Variants in KCTD1 observed in about 807,000 individuals in gnomAD.
KCTD1 encodes the protein potassium channel tetramerization domain containing 1.
Under a neutral mutation model 66.0 loss-of-function variants are expected in KCTD1, and 24 were observed. That is an observed-to-expected ratio of 0.36 (90% CI 0.26 to 0.51). KCTD1 has a LOEUF of 0.51. Among genes scored for constraint, KCTD1 ranks in the 20% least tolerant of loss-of-function variants. The probability of loss-of-function intolerance (pLI) is 0.95; values close to 1 mark genes in which losing one functional copy is unlikely to be tolerated. For synonymous variants in KCTD1, 511 were observed against 517.2 expected (o/e 0.99, Z 0.16); for missense variants, 943 against 1,205.2 (o/e 0.78, Z 3.22).
intron 1 of KCTD1, among the ~76,000 whole-genome samples, chr18:26,657,088 C>G (rs917256432): frequency 6.6e-6 from 1 of 151,494 alleles, no homozygotes; most frequent in African/African-American, 2.4e-5. Context: ...GCACCCGCTC[C>G]TCCTGCCCGC....
intron 3 of KCTD1, 26 bp from the exon 4 acceptor site, chr18:26,459,951 G>A: frequency 1.3e-6 from 2 of 1,510,642 alleles, no homozygotes; most frequent in South Asian, 1.3e-5. Flanking sequence ...GTATTTCACA[G>A]TGCAAACTGC....
intron 1 of KCTD1, among the ~76,000 whole-genome samples, chr18:26,569,803 A>G (rs909899380): frequency 6.6e-6 from 1 of 152,210 alleles, no homozygotes; most frequent in Non-Finnish European, 1.5e-5. Flanking sequence ...AGAAAGACAC[A>G]CAGCTTATAA....
chr18:26,521,220 T>C (rs1983894738), intron 1 of KCTD1, among the ~76,000 whole-genome samples: 1 of 152,182 alleles, frequency 6.6e-6, no homozygotes, highest in Non-Finnish European at 1.5e-5. Context: ...CTAATCACAA[T>C]AATGCCAGGT....
At chr18:26,634,506 G>C (rs1987682412) in intron 1 of KCTD1, among the ~76,000 whole-genome samples, 2 of 152,140 alleles carry the variant, frequency 1.3e-5, no homozygotes, top group Admixed American at 1.3e-4. Flanking sequence ...AGTTACACGG[G>C]GAGGGGAGGG....
At chr18:26,525,233 G>A (rs1443592979) in intron 1 of KCTD1, among the ~76,000 whole-genome samples, 1 of 152,192 alleles carries the variant, frequency 6.6e-6, no homozygotes, top group Non-Finnish European at 1.5e-5. Context: ...CTAAGAGGGT[G>A]CAGACACACT....
chr18:26,497,774 CAA>C (rs1400430234), intron 2 of KCTD1, among the ~76,000 whole-genome samples: 1 of 152,118 alleles, frequency 6.6e-6, no homozygotes, highest in Non-Finnish European at 1.5e-5. Flanking sequence ...AGGCTTGTTT[CAA>C]AGAGTCTTGA....
chr18:26,591,195 T>C (rs929438605), intron 1 of KCTD1, among the ~76,000 whole-genome samples: 2 of 152,100 alleles, frequency 1.3e-5, no homozygotes, highest in Non-Finnish European at 2.9e-5. Context: ...CAGCTAATTA[T>C]TATTATTTTT....
At chr18:26,578,053 CTTTCTT>C (rs1262187849) in intron 1 of KCTD1, among the ~76,000 whole-genome samples, 4 of 124,784 alleles carry the variant, frequency 3.2e-5, no homozygotes, top group African/African-American at 1.2e-4. Flanking sequence ...CTTTTCTTTT[CTTTCTT>C]TTTTTTTTTT....
At chr18:26,510,565 T>C (rs1388701337) in intron 1 of KCTD1, among the ~76,000 whole-genome samples, 3 of 151,988 alleles carry the variant, frequency 2.0e-5, no homozygotes, top group African/African-American at 7.3e-5. Flanking sequence ...TGCCTTTTTG[T>C]TTTTTTTCTT....
chr18:26,500,769 A>G (rs887023078), intron 2 of KCTD1, among the ~76,000 whole-genome samples: 1 of 152,328 alleles, frequency 6.6e-6, no homozygotes. Flanking sequence ...TGTTGGGGAG[A>G]AATCACCATC....
chr18:26,637,367 G>A (rs1203298758), intron 1 of KCTD1, among the ~76,000 whole-genome samples: 2 of 152,220 alleles, frequency 1.3e-5, no homozygotes, highest in Non-Finnish European at 2.9e-5. Flanking sequence ...TGTGAACAAC[G>A]AAGAATGTTC....
chr18:26,631,651 G>A (rs1021644684), upstream of KCTD1, among the ~76,000 whole-genome samples: 24 of 152,126 alleles, frequency 1.6e-4, no homozygotes, highest in African/African-American at 4.8e-4. Context: ...CAACATAGCA[G>A]CTATTCCTAA....
intron 1 of KCTD1, among the ~76,000 whole-genome samples, chr18:26,608,970 C>T (rs183512616): frequency 5.9e-4 from 90 of 152,246 alleles, no homozygotes; most frequent in African/African-American, 2.1e-3. Flanking sequence ...TCTGGTGGGG[C>T]TCAGTAAATT....
rs375865965 is a variant in KCTD1, at chr18:26,498,162, A to C, written c.1988+2910T>G. On this transcript the variant is annotated intron_variant, in intron 2 of 4. Transcript: ENST00000580059. ...TCAGAAATCAGACCTTTCCATAGCC[A>C]AAGAACTGTTCGCCATTTGCCAGCA... 5.9e-5 allele frequency among the ~76,000 whole-genome samples: 9 copies of C among 152,290 alleles called. No homozygotes were observed. In the South Asian group the frequency reaches 1.9e-3, roughly 32 times the overall value.
At chr18:26,558,008 T>TCCCC (rs1985748584) in intron 1 of KCTD1, among the ~76,000 whole-genome samples, 1 of 152,316 alleles carries the variant, frequency 6.6e-6, no homozygotes, top group South Asian at 2.1e-4. Flanking sequence ...CTGATATGAG[T>TCCCC]CCAGCTCTCT....
intron 1 of KCTD1, among the ~76,000 whole-genome samples, chr18:26,656,874 A>C (rs1988160245): frequency 8.2e-6 from 1 of 121,680 alleles, no homozygotes; most frequent in Non-Finnish European, 1.7e-5. Context: ...GAAGAAAGGG[A>C]CGCGCGGGGC....
At chr18:26,469,561 C>A (rs1980940055) in intron 3 of KCTD1, among the ~76,000 whole-genome samples, 1 of 152,154 alleles carries the variant, frequency 6.6e-6, no homozygotes, top group Non-Finnish European at 1.5e-5. Flanking sequence ...AACTGTAATT[C>A]CCAATATATT....
Position 26,559,696 on chromosome 18 carries a change from A to G in KCTD1, c.-15-58446T>C, listed in dbSNP as rs1227761238. Among the ~76,000 whole-genome samples the G allele has an allele frequency of 2.0e-5, 3 of 152,148 alleles. 1 individual carries two copies. Among genetic ancestry groups the G allele is most frequent in the Admixed American group, 1.3e-4 (2 of 15,278 alleles). On this transcript the variant is annotated intron_variant, in intron 1 of 4. Coordinates refer to the KCTD1 transcript ENST00000317932. ...GTTCAGAATCTTTTTTATGGCTCCC[A>G]TGGTAGGAGGGGCTGTTAAAAGGCC...
intron 1 of KCTD1, among the ~76,000 whole-genome samples, chr18:26,624,845 T>C (rs959722596): frequency 3.9e-5 from 6 of 152,170 alleles, no homozygotes; most frequent in African/African-American, 1.4e-4. Flanking sequence ...CATTCAATGC[T>C]AGCCCATGAA....
Sources: allele counts gnomAD v4.1 joint callset (sites outside exome capture counted in the v4.1 genomes callset), GRCh38; gene constraint gnomAD v4.1.1; transcripts MANE v1.5; gene names NCBI Gene and HGNC (gene_info 2026-07-23, HGNC 2026-07-21).